The following ABCC1 variants were observed in gnomAD, a reference collection of about 807,000 sequenced individuals.
ABCC1 encodes the protein multidrug resistance-associated protein 1.
ABCC1 carries 83 observed loss-of-function variants against 172.9 expected under a neutral mutation model. The observed-to-expected ratio is 0.48, with a 90% confidence interval of 0.40 to 0.58. The LOEUF (loss-of-function observed/expected upper bound fraction) is 0.58, where lower values mean the gene tolerates loss of function less well. Ranked by LOEUF, ABCC1 falls within the 20% of genes least tolerant of loss-of-function variation. The pLI, the probability that ABCC1 is intolerant of heterozygous loss-of-function variation, is 0.00. For synonymous variants in ABCC1, 937 were observed against 825.2 expected (o/e 1.14, Z -2.32); for missense variants, 1,817 against 2,002.7 (o/e 0.91, Z 1.77).
intron 1 of ABCC1, among the ~76,000 whole-genome samples, chr16:15,967,013 A>C (rs545718425): frequency 3.8e-4 from 57 of 151,888 alleles, no homozygotes; most frequent in African/African-American, 1.3e-3. Context: ...TTCATCTTTA[A>C]CTTTGGTCCC....
intron 21 of ABCC1, among the ~76,000 whole-genome samples, chr16:16,110,965 A>C (rs9931487): frequency 6.6e-6 from 1 of 151,994 alleles, no homozygotes; most frequent in Non-Finnish European, 1.5e-5. Flanking sequence ...CAGTGGGGCA[A>C]TCTTGGCTCA....
chr16:16,129,285 A>G (rs2045577101), intron 26 of ABCC1, among the ~76,000 whole-genome samples: 1 of 152,186 alleles, frequency 6.6e-6, no homozygotes, highest in Non-Finnish European at 1.5e-5. Context: ...TGAGGCTCAG[A>G]TGAGATCATG....
At chr16:16,034,919 A>G (rs923470527) in intron 6 of ABCC1, among the ~76,000 whole-genome samples, 3 of 151,992 alleles carry the variant, frequency 2.0e-5, no homozygotes, top group African/African-American at 7.2e-5. Flanking sequence ...GAAAAAGATG[A>G]TGTGTTTGCA....
chr16:16,117,373 G>A (rs145637112), intron 23 of ABCC1, among the ~76,000 whole-genome samples: 5 of 152,156 alleles, frequency 3.3e-5, no homozygotes, highest in Non-Finnish European at 5.9e-5. Flanking sequence ...CTGCCCCCAC[G>A]ATTCAGTTAT....
chr16:16,014,578 G>A lies in ABCC1; in HGVS notation c.439G>A (p.Val147Met), dbSNP rs755702353. Reference sequence around the variant, plus strand: ...GCTCACTTTCTGGCTGGTAGCCCTAGTGTGTGCCCTAGCCATCCTGAGATC... The same window carrying A: ...GCTCACTTTCTGGCTGGTAGCCCTAATGTGTGCCCTAGCCATCCTGAGATC... ...IMLTFWLVAL[V>M]CALAILRSKI... The change falls in exon 4 of 31, where the codon GTG (valine) becomes ATG (methionine). Residue 147 changes from valine to methionine, a missense_variant. By Grantham distance (21) the Val-to-Met change is conservative. Coordinates refer to ENST00000399410, the MANE Select transcript of ABCC1 (RefSeq NM_004996.4). 5.0e-6 allele frequency: 8 copies of A among 1,614,080 alleles called. No individual in the cohort carries two copies. Among genetic ancestry groups the A allele is most frequent in the African/African-American group, 1.3e-5 (1 of 75,032 alleles).
intron 20 of ABCC1, among the ~76,000 whole-genome samples, chr16:16,104,894 G>A (rs997290857): frequency 6.6e-6 from 1 of 152,172 alleles, no homozygotes; most frequent in South Asian, 2.1e-4. Context: ...CACTACCCGG[G>A]CTGGCGGGGC....
intron 26 of ABCC1, among the ~76,000 whole-genome samples, chr16:16,130,243 C>A (rs1042004670): frequency 6.6e-6 from 1 of 152,112 alleles, no homozygotes; most frequent in Non-Finnish European, 1.5e-5. Context: ...GCCTTCCTGC[C>A]GGGGTGGGCA....
chr16:16,006,565 CTT>C (rs11441919), intron 1 of ABCC1, among the ~76,000 whole-genome samples: 1 of 147,960 alleles, frequency 6.8e-6, no homozygotes, highest in Admixed American at 6.8e-5. Context: ...AAAATACAGG[CTT>C]TTTTTTTTTA....
At chr16:16,124,391 G>A (rs908392916) in intron 24 of ABCC1, among the ~76,000 whole-genome samples, 10 of 125,936 alleles carry the variant, frequency 7.9e-5, no homozygotes, top group East Asian at 2.5e-4. Context: ...GTGTGTGTGT[G>A]TGTGTGTGTG....
chr16:16,050,096 C>CCT (rs2049365911), intron 10 of ABCC1, among the ~76,000 whole-genome samples: 1 of 152,292 alleles, frequency 6.6e-6, no homozygotes, highest in East Asian at 1.9e-4. Context: ...TAGCAGCTGA[C>CCT]TTTTGTGTCT....
intron 1 of ABCC1, among the ~76,000 whole-genome samples, chr16:15,975,680 C>G (rs1429467926): frequency 6.6e-6 from 1 of 151,826 alleles, no homozygotes; most frequent in Non-Finnish European, 1.5e-5. Flanking sequence ...CCTCAGCTTC[C>G]TGAGTAGCTG....
intron 18 of ABCC1, among the ~76,000 whole-genome samples, chr16:16,088,490 CTGCATCCCT>C (rs1173813179): frequency 2.6e-5 from 4 of 152,270 alleles, no homozygotes; most frequent in African/African-American, 9.6e-5. Flanking sequence ...CCTCTTCATC[CTGCATCCCT>C]AATCTTTAAT....
chr16:16,043,243 T>TTCC (rs1021835519), intron 7 of ABCC1, among the ~76,000 whole-genome samples: 7 of 140,786 alleles, frequency 5.0e-5, no homozygotes, highest in Middle Eastern at 3.9e-3. Context: ...TTTTTTTTTT[T>TTCC]CCACTGATGT....
chr16:16,076,413 C>T lies in ABCC1; in HGVS notation c.1988+12C>T, dbSNP rs373723240. ...CCCACACTGAATGGGTAAGCCGGGA[C>T]GTGGACACACGTGATGGTGTGGAGA... On this transcript the variant is annotated intron_variant, in intron 15 of 30. Coordinates refer to ENST00000399410, the MANE Select transcript of ABCC1 (RefSeq NM_004996.4). 19 of 1,596,574 alleles carry T rather than the reference C, an allele frequency of 1.2e-5. No homozygotes were observed. The highest frequency in any genetic ancestry group is 8.1e-5 in the African/African-American group (6 of 73,990).
At position 16,016,535 on chromosome 16, in the gene ABCC1, G is replaced by C. The variant is rs201215222; in HGVS notation, c.529G>C (p.Val177Leu). ...CCTGTTTCGTGACATCACTTTCTAC[G>C]TCTACTTTTCCCTCTTACTCATTCA... Reference protein sequence around the residue: ...VDLFRDITFYVYFSLLLIQLV... With the variant: ...VDLFRDITFYLYFSLLLIQLV... The change falls in exon 5 of 31, where the codon GTC (valine) becomes CTC (leucine). Residue 177 changes from valine to leucine, a missense_variant. Transcript: ENST00000399410. 4 of 1,613,862 alleles carry C rather than the reference G, an allele frequency of 2.5e-6. No individual in the cohort carries two copies. Among genetic ancestry groups the C allele is most frequent in the South Asian group, 2.2e-5 (2 of 91,072 alleles).
At chr16:16,039,575 G>A (rs1256649300) in intron 7 of ABCC1, among the ~76,000 whole-genome samples, 2 of 151,918 alleles carry the variant, frequency 1.3e-5, no homozygotes, top group Non-Finnish European at 1.5e-5. Flanking sequence ...GGCTGAGAGA[G>A]GTGTTTTAGA....
chr16:15,978,955 G>A (rs1045309062), intron 1 of ABCC1, among the ~76,000 whole-genome samples: 4 of 152,104 alleles, frequency 2.6e-5, no homozygotes, highest in African/African-American at 9.7e-5. Flanking sequence ...GGCTTATTAA[G>A]GCAACAAGCA....
At chr16:16,101,079 T>A (rs529647125) in intron 19 of ABCC1, among the ~76,000 whole-genome samples, 55 of 152,216 alleles carry the variant, frequency 3.6e-4, no homozygotes, top group African/African-American at 9.9e-4. Flanking sequence ...TCACCCAGGC[T>A]GGAGTGTGGT....
At chr16:16,071,024 T>C (rs1345180473) in intron 13 of ABCC1, among the ~76,000 whole-genome samples, 1 of 152,198 alleles carries the variant, frequency 6.6e-6, no homozygotes, top group Non-Finnish European at 1.5e-5. Context: ...GCATTTGCTG[T>C]TACGTTTCCA....
Sources: allele counts gnomAD v4.1 joint callset (sites outside exome capture counted in the v4.1 genomes callset), GRCh38; gene constraint gnomAD v4.1.1; transcripts MANE v1.5; gene names NCBI Gene and HGNC (gene_info 2026-07-23, HGNC 2026-07-21).